The following RGS9 variants were observed in gnomAD, a reference collection of about 807,000 sequenced individuals.
The protein encoded by RGS9 is regulator of G-protein signalling 9.
In RGS9, 78 loss-of-function variants were observed where a neutral mutation model predicts 102.0. The observed-to-expected ratio is 0.76, with a 90% CI of 0.64 to 0.92. The LOEUF (loss-of-function observed/expected upper bound fraction) is 0.92, where lower values mean the gene tolerates loss of function less well. Ranked by LOEUF, RGS9 falls within the 40% of genes least tolerant of loss-of-function variation. The probability of loss-of-function intolerance (pLI) is 0.00; values close to 1 mark genes in which losing one functional copy is unlikely to be tolerated. For synonymous variants in RGS9, 353 were observed against 318.6 expected, an observed-to-expected ratio of 1.11 and a Z score of -1.15; for missense variants, 833 against 866.1, an observed-to-expected ratio of 0.96 and a Z score of 0.48.
At chr17:65,224,386 T>C (rs1255640434) in intron 17 of RGS9, among the ~76,000 whole-genome samples, 2 of 152,044 alleles carry the variant, frequency 1.3e-5, no homozygotes, top group Non-Finnish European at 2.9e-5. Context: ...ACATTCAACC[T>C]TTCTTCCTGA....
At chr17:65,175,636 T>C (rs1911597426) in intron 8 of RGS9, among the ~76,000 whole-genome samples, 1 of 152,164 alleles carries the variant, frequency 6.6e-6, no homozygotes, top group Non-Finnish European at 1.5e-5. Context: ...AAGTGCCCCA[T>C]AGATATTTGC....
At position 65,153,431 on chromosome 17, in the gene RGS9, C is replaced by T. The variant is rs759970832; in HGVS notation, c.67C>T (p.Leu23Phe). 8.7e-6 allele frequency: 14 copies of T among 1,614,022 alleles called. No homozygotes were observed. Among genetic ancestry groups the T allele is most frequent in the Non-Finnish European group, 1.2e-5 (14 of 1,179,874 alleles). The change falls in exon 2 of 19, where the codon CTC becomes TTC. Residue 23 changes from leucine to phenylalanine, a missense_variant. Leu to Phe is a conservative substitution (Grantham distance 22). Transcript: ENST00000262406. ...RMAFLQKIEA[L>F]VKDMQNPETG... ...CTGTTCTGTCTTGCAGATTGAAGCGCTCGTGAAGGACATGCAGAACCCAGA... is the reference window on the plus strand; with the variant it reads ...CTGTTCTGTCTTGCAGATTGAAGCGTTCGTGAAGGACATGCAGAACCCAGA...
intron 13 of RGS9, among the ~76,000 whole-genome samples, chr17:65,201,575 C>T (rs1417775305): frequency 6.6e-6 from 1 of 152,178 alleles, no homozygotes; most frequent in Non-Finnish European, 1.5e-5. Context: ...TGTGCGAGCT[C>T]GTTCAAGCAA....
chr17:65,184,665 T>C (rs1402890678), intron 9 of RGS9, among the ~76,000 whole-genome samples: 1 of 152,078 alleles, frequency 6.6e-6, no homozygotes, highest in Non-Finnish European at 1.5e-5. Context: ...ATTTCTTTTT[T>C]TCCTTCCTTC....
At chr17:65,212,768 G>C (rs1913353198) in intron 17 of RGS9, among the ~76,000 whole-genome samples, 1 of 152,214 alleles carries the variant, frequency 6.6e-6, no homozygotes, top group Non-Finnish European at 1.5e-5. Flanking sequence ...AGTGCATGGA[G>C]GGATATGCTT....
chr17:65,161,704 T>A (rs868689715), intron 6 of RGS9, among the ~76,000 whole-genome samples: 7 of 133,762 alleles, frequency 5.2e-5, no homozygotes, highest in African/African-American at 2.2e-4. Flanking sequence ...TTATTTTTAT[T>A]TATATATTTA....
At chr17:65,208,072 TTTCAGCCAAA>T in intron 16 of RGS9, 65 bp downstream of exon 16, 2 of 1,123,314 alleles carry the variant, frequency 1.8e-6, no homozygotes, top group Non-Finnish European at 2.7e-6. Flanking sequence ...TGAGGGTCTC[TTTCAGCCAAA>T]TGGCTATTAT....
chr17:65,176,293 T>C (rs769170513), intron 8 of RGS9, among the ~76,000 whole-genome samples: 2 of 152,364 alleles, frequency 1.3e-5, no homozygotes, highest in East Asian at 1.9e-4. Flanking sequence ...CTTTTACATA[T>C]GTAATCTTAA....
intron 11 of RGS9, among the ~76,000 whole-genome samples, chr17:65,193,106 C>CA (rs372675773): frequency 0.2 from 25,918 of 131,018 alleles, 2,691 homozygotes; most frequent in African/African-American, 0.3. Context: ...ACCAAAAATA[C>CA]AAAAAAAAAA....
chr17:65,137,559 G>C lies in RGS9; in HGVS notation c.19G>C (p.Gly7Arg), dbSNP rs1252949879. The C allele has an allele frequency of 3.1e-6, 5 of 1,612,796 alleles. No homozygotes were observed. Among genetic ancestry groups the C allele is most frequent in the Non-Finnish European group, 3.4e-6 (4 of 1,180,004 alleles). Residue 7 changes from glycine (G) to arginine (R), a missense_variant, in exon 1 of 19, where the codon GGC becomes CGC. By Grantham distance (125) the Gly-to-Arg change is moderately radical. Transcript: ENST00000262406. MTIRHQ[G>R]QQYRPRMAFL... ...GGCCAGGATGACAATCCGACACCAA[G>C]GCCAGCAGTACAGGCCGAGGATGGC...
intron 3 of RGS9, among the ~76,000 whole-genome samples, chr17:65,159,372 T>A (rs942393671): frequency 6.6e-6 from 1 of 152,162 alleles, no homozygotes; most frequent in Non-Finnish European, 1.5e-5. Flanking sequence ...GAAAATGGAT[T>A]GGAGCAGAAA....
At chr17:65,206,381 T>C (rs1913063102) in intron 15 of RGS9, among the ~76,000 whole-genome samples, 1 of 152,190 alleles carries the variant, frequency 6.6e-6, no homozygotes, top group African/African-American at 2.4e-5. Flanking sequence ...GTTTTGGTTC[T>C]TAAAAATGTA....
intron 1 of RGS9, among the ~76,000 whole-genome samples, chr17:65,145,535 C>T (rs1364796550): frequency 6.7e-6 from 1 of 150,270 alleles, no homozygotes; most frequent in Non-Finnish European, 1.5e-5. Context: ...TTGTAGCCTG[C>T]CACCACTCCT....
intron 14 of RGS9, among the ~76,000 whole-genome samples, chr17:65,202,873 C>G (rs574918825): frequency 6.6e-6 from 1 of 152,202 alleles, no homozygotes. Context: ...GTGGTCCCAT[C>G]TCTGTGGGTC....
At chr17:65,168,322 G>A in intron 8 of RGS9, 41 bp downstream of exon 8, 1 of 1,381,538 alleles carries the variant, frequency 7.2e-7, no homozygotes. Flanking sequence ...CTCTTCCTGT[G>A]CCTCCCACCT....
In RGS9 at chr17:65,189,371, A is replaced by T. The variant is rs566030955; in HGVS notation, c.684+56A>T. ...GGTTTTAAATCTTCTAACAGGTTATATGTACTTTGTTTTACCCTCTGCGCT... is the reference window on the plus strand; with the variant it reads ...GGTTTTAAATCTTCTAACAGGTTATTTGTACTTTGTTTTACCCTCTGCGCT... On this transcript the variant is annotated intron_variant, in intron 10 of 18. Coordinates refer to ENST00000262406, the MANE Select transcript of RGS9 (RefSeq NM_003835.4). 13 of 1,368,780 alleles carry T rather than the reference A, an allele frequency of 9.5e-6. 1 individual carries two copies. The South Asian group carries it at 1.5e-4, about 16-fold the overall frequency. The allele number at this position is 1,368,780 out of a possible 1,614,324, so 84.8% of individuals were successfully genotyped here.
At position 65,177,679 on chromosome 17, in the gene RGS9, A is replaced by G. The variant is rs1911698363; in HGVS notation, c.583-53A>G. On this transcript the variant is annotated intron_variant, in intron 8 of 18. Coordinates refer to ENST00000262406, the MANE Select transcript of RGS9 (RefSeq NM_003835.4). ...GATTAACCAAGACCCACAGTTAACC[A>G]GAAACTGGAGACTCTCCCTGTAATG... The G allele has an allele frequency of 3.9e-6, 6 of 1,540,222 alleles. No individual in the cohort carries two copies. In the Admixed American group the frequency reaches 8.3e-5, roughly 21 times the overall value.
chr17:65,181,732 A>C (rs1911893708), intron 9 of RGS9, among the ~76,000 whole-genome samples: 1 of 152,204 alleles, frequency 6.6e-6, no homozygotes, highest in Admixed American at 6.5e-5. Flanking sequence ...CAGCTCTGCC[A>C]CTTCCGGTCC....
At chr17:65,147,587 C>T (rs1006075827) in intron 1 of RGS9, among the ~76,000 whole-genome samples, 7 of 103,670 alleles carry the variant, frequency 6.8e-5, no homozygotes, top group South Asian at 6.6e-4. Context: ...CTTTTAAAAA[C>T]TTTTTTTTTT....
Sources: gnomAD v4.1 joint callset for allele counts (sites outside exome capture counted in the v4.1 genomes callset) on GRCh38, gnomAD v4.1.1 for gene constraint, MANE v1.5 for transcripts, NCBI Gene and HGNC (gene_info 2026-07-23, HGNC 2026-07-21) for gene names.